MGAT4D: variants seen among roughly 807,000 people sequenced by gnomAD.
MGAT4D encodes alpha-1,3-mannosyl-glycoprotein 4-beta-N-acetylglucosaminyltransferase-like protein MGAT4D.
A neutral mutation model predicts 15.9 loss-of-function variants in MGAT4D; 34 were observed. That is an observed-to-expected ratio of 2.14 (90% CI 1.62 to 2.84). MGAT4D has a LOEUF of 2.84. Among genes scored for constraint, MGAT4D ranks in the 30% most tolerant of loss-of-function variants. The pLI, the probability that MGAT4D is intolerant of heterozygous loss-of-function variation, is 0.00. For missense variants in MGAT4D, 327 were observed against 140.2 expected, an observed-to-expected ratio of 2.33 and a Z score of -6.73; for synonymous variants, 112 against 48.2, an observed-to-expected ratio of 2.33 and a Z score of -5.49.
intron 5 of MGAT4D, among the ~76,000 whole-genome samples, chr4:140,470,829 A>G (rs891207068): frequency 6.6e-6 from 1 of 151,824 alleles, no homozygotes; most frequent in African/African-American, 2.4e-5. Flanking sequence ...ACATGTTGTC[A>G]TATTTATTCC....
intron 1 of MGAT4D, among the ~76,000 whole-genome samples, chr4:140,489,599 G>A (rs923503765): frequency 1.3e-5 from 2 of 151,964 alleles, no homozygotes; most frequent in Non-Finnish European, 2.9e-5. Context: ...CTTACACTTG[G>A]TTTTATACCT....
chr4:140,479,411 A>T lies in MGAT4D; in HGVS notation c.391+79T>A. 7.8e-6 allele frequency: 3 copies of T among 383,104 alleles called. No individual in the cohort carries two copies. In the East Asian group the frequency reaches 1.1e-4, roughly 14 times the overall value. The allele number at this position is 383,104 out of a possible 1,614,324, so 23.7% of individuals were successfully genotyped here. A position where few individuals can be genotyped will look rare whatever the true frequency, so the allele number is the denominator to read the frequency against. On this transcript the variant is annotated intron_variant, in intron 3 of 10. Coordinates refer to ENST00000511113, the MANE Select transcript of MGAT4D (RefSeq NM_001277353.2). Reference sequence around the variant, plus strand: ...GCATATCAATCTAAGATAATAATGGATTACATCTTAAAACTTAAAAGTATG... The same window carrying T: ...GCATATCAATCTAAGATAATAATGGTTTACATCTTAAAACTTAAAAGTATG...
chr4:140,461,943 T>G lies in MGAT4D; in HGVS notation c.748A>C (p.Lys250Gln). The G allele has an allele frequency of 1.4e-6, 1 of 698,952 alleles. No individual in the cohort carries two copies. The highest frequency in any genetic ancestry group is 1.8e-5 in the African/African-American group (1 of 57,052). 43.3% of individuals were successfully genotyped at this position (698,952 alleles called of 1,614,324 possible). The change falls in exon 7 of 11, where the codon AAG (lysine) becomes CAG (glutamine). Residue 250 changes from lysine (K) to glutamine (Q), a missense_variant. Transcript: ENST00000511113. ...ILLLYAQPKA[K>Q]YYLQLEDDII... ...CAATTTCTGACCTGTAAATAATACT[T>G]GGCCTTGGGTTGGGCATACAGCAAC...
intron 9 of MGAT4D, among the ~76,000 whole-genome samples, chr4:140,452,192 C>T (rs1730517869): frequency 6.6e-6 from 1 of 151,642 alleles, no homozygotes; most frequent in African/African-American, 2.4e-5. Flanking sequence ...AAAAACAAAA[C>T]AAACAATAAA....
intron 3 of MGAT4D, among the ~76,000 whole-genome samples, chr4:140,477,863 AAT>A (rs1381249595): frequency 6.6e-6 from 1 of 152,226 alleles, no homozygotes; most frequent in Non-Finnish European, 1.5e-5. Flanking sequence ...ATAAATTACA[AAT>A]ATGTTTCCAT....
At position 140,482,403 on chromosome 4, in the gene MGAT4D, AT is replaced by A. The variant is rs1373232850; in HGVS notation, c.176del (p.Asn59IlefsTer5). On this transcript the variant is annotated frameshift_variant, in exon 2 of 11. Transcript: ENST00000511113. LOFTEE classifies it high-confidence loss of function. Reference sequence around the variant, plus strand: ...TCAAAACTTTCATCATCTCTTGGGTATTTTTTTCAGTTTTGTTTCTTAAGTG... The same window carrying A: ...TCAAAACTTTCATCATCTCTTGGGTATTTTTTCAGTTTTGTTTCTTAAGTG... ...MLHLRNKTEK[N>X]TQEMMKVLNR... 6 of 651,100 alleles carry A rather than the reference AT, an allele frequency of 9.2e-6. No homozygotes were observed. The highest frequency in any genetic ancestry group is 3.7e-5 in the African/African-American group (2 of 53,952). The allele number at this position is 651,100 out of a possible 1,614,324, so 40.3% of individuals were successfully genotyped here. A position where few individuals can be genotyped will look rare whatever the true frequency, so the allele number is the denominator to read the frequency against.
chr4:140,473,503 C>T (rs546937677), intron 4 of MGAT4D, among the ~76,000 whole-genome samples: 1 of 152,250 alleles, frequency 6.6e-6, no homozygotes, highest in African/African-American at 2.4e-5. Context: ...CCCCAACAAC[C>T]TTATGGCATA....
intron 9 of MGAT4D, among the ~76,000 whole-genome samples, chr4:140,455,869 G>A (rs911481240): frequency 6.6e-6 from 1 of 152,060 alleles, no homozygotes; most frequent in Admixed American, 6.6e-5. Context: ...GGGCATTGTG[G>A]CTTATGCCTG....
At chr4:140,454,111 T>C (rs1730644871) in intron 9 of MGAT4D, among the ~76,000 whole-genome samples, 1 of 152,064 alleles carries the variant, frequency 6.6e-6, no homozygotes, top group Non-Finnish European at 1.5e-5. Flanking sequence ...TGTTTTTCCC[T>C]TTATTGCACT....
At chr4:140,495,387 C>T (rs1422472579) in intron 1 of MGAT4D, among the ~76,000 whole-genome samples, 2 of 152,156 alleles carry the variant, frequency 1.3e-5, no homozygotes, top group Admixed American at 6.6e-5. Context: ...GTTTACTTCC[C>T]GTAAGCAGAA....
chr4:140,497,285 T>A (rs1347369100), intron 1 of MGAT4D, among the ~76,000 whole-genome samples: 1 of 152,136 alleles, frequency 6.6e-6, no homozygotes, highest in Non-Finnish European at 1.5e-5. Flanking sequence ...AGTCTTAAAC[T>A]GAAAAATTTA....
rs180753733 is a variant in MGAT4D at position 140,481,620 on chromosome 4, T to C, written c.253+707A>G. ...TCCATTGAACATCGATACAACGAAA[T>C]GCTACTCAGCACTATAAACAGAACA... On this transcript the variant is annotated intron_variant, in intron 2 of 10. Transcript: ENST00000511113. Among the ~76,000 whole-genome samples the C allele has an allele frequency of 5.3e-5, 8 of 152,286 alleles. No individual in the cohort carries two copies. The East Asian group carries it at 1.5e-3, about 29-fold the overall frequency.
intron 5 of MGAT4D, among the ~76,000 whole-genome samples, chr4:140,469,757 G>T (rs929924464): frequency 6.6e-6 from 1 of 152,064 alleles, no homozygotes; most frequent in Non-Finnish European, 1.5e-5. Context: ...TTTTTGTTTT[G>T]TTGTTTTGTT....
At chr4:140,496,738 G>GAGA (rs1334875265) in intron 1 of MGAT4D, among the ~76,000 whole-genome samples, 1 of 152,098 alleles carries the variant, frequency 6.6e-6, no homozygotes, top group Non-Finnish European at 1.5e-5. Flanking sequence ...AGCTACTCAG[G>GAGA]AGACTGAGGC....
chr4:140,459,373 C>A, intron 8 of MGAT4D, 139 bp downstream of exon 8: 1 of 332,008 alleles, frequency 3.0e-6, no homozygotes, highest in Non-Finnish European at 5.5e-6. Context: ...TCTGATTATA[C>A]TGTTAAGATA....
At chr4:140,475,070 T>C (rs1355970074) in intron 3 of MGAT4D, 124 bp from the exon 4 acceptor site, 3 of 410,942 alleles carry the variant, frequency 7.3e-6, no homozygotes, top group South Asian at 1.9e-4. Context: ...TGTTTGAAAC[T>C]GTATTACAAA....
At chr4:140,469,984 G>A (rs1462008730) in intron 5 of MGAT4D, among the ~76,000 whole-genome samples, 1 of 152,260 alleles carries the variant, frequency 6.6e-6, no homozygotes, top group East Asian at 1.9e-4. Context: ...GCGGGAAGCA[G>A]TAAGTGACAA....
At chr4:140,449,563 T>C (rs1176818548) in intron 10 of MGAT4D, among the ~76,000 whole-genome samples, 2 of 152,034 alleles carry the variant, frequency 1.3e-5, no homozygotes, top group Non-Finnish European at 2.9e-5. Context: ...ATCAAGACCA[T>C]CCTGGCTAAC....
Position 140,459,642 on chromosome 4 carries a change from C to CA in MGAT4D, c.763-17dup. 1 of 431,296 alleles carries CA rather than the reference C, an allele frequency of 2.3e-6. No individual in the cohort carries two copies. Among genetic ancestry groups the CA allele is most frequent in the Admixed American group, 4.4e-5 (1 of 22,922 alleles). The allele number at this position is 431,296 out of a possible 1,614,324, so 26.7% of individuals were successfully genotyped here. On this transcript the variant is annotated splice_polypyrimidine_tract_variant and intron_variant, in intron 7 of 10. Coordinates refer to ENST00000511113, the MANE Select transcript of MGAT4D (RefSeq NM_001277353.2). ...CATCTTCTAGCTGAAAAAAAAAACC[C>CA]AAAAAGACATTAATATCTTTGACGC...
Sources: gnomAD v4.1 joint callset for allele counts (sites outside exome capture counted in the v4.1 genomes callset) on GRCh38, gnomAD v4.1.1 for gene constraint, MANE v1.5 for transcripts, NCBI Gene and HGNC (gene_info 2026-07-23, HGNC 2026-07-21) for gene names.